Variants in ASAP2 observed in about 807,000 individuals in gnomAD.
ASAP2 encodes ArfGAP with SH3 domain, ankyrin repeat and PH domain 2, also known as arf-GAP with SH3 domain, ANK repeat and PH domain-containing protein 2.
A neutral mutation model predicts 131.4 loss-of-function variants in ASAP2; 45 were observed. That is an observed-to-expected ratio of 0.34 (90% CI 0.27 to 0.44). The LOEUF (loss-of-function observed/expected upper bound fraction) is 0.44, where lower values mean the gene tolerates loss of function less well. Ranked by LOEUF, ASAP2 falls within the 20% of genes least tolerant of loss-of-function variation. The probability of loss-of-function intolerance (pLI) is 1.00; values close to 1 mark genes in which losing one functional copy is unlikely to be tolerated. For synonymous variants in ASAP2, 510 were observed against 503.0 expected (o/e 1.01, Z -0.19); for missense variants, 1,011 against 1,297.0 (o/e 0.78, Z 3.39).
intron 1 of ASAP2, among the ~76,000 whole-genome samples, chr2:9,219,696 A>G (rs971858905): frequency 2.0e-5 from 3 of 152,246 alleles, no homozygotes; most frequent in Non-Finnish European, 4.4e-5. Context: ...AAATTGAGAT[A>G]GAATTCACAT....
intron 1 of ASAP2, among the ~76,000 whole-genome samples, chr2:9,259,163 G>A (rs1665400984): frequency 6.6e-6 from 1 of 152,198 alleles, no homozygotes; most frequent in Non-Finnish European, 1.5e-5. Context: ...CTCTTGTTCT[G>A]TTAGCTGGGG....
chr2:9,219,069 T>A (rs145770828), intron 1 of ASAP2, among the ~76,000 whole-genome samples: 1 of 152,272 alleles, frequency 6.6e-6, no homozygotes, highest in Non-Finnish European at 1.5e-5. Flanking sequence ...CTTTCGTTGG[T>A]CTCTTAATTA....
At chr2:9,265,331 A>G (rs1195998311) in intron 1 of ASAP2, among the ~76,000 whole-genome samples, 4 of 152,234 alleles carry the variant, frequency 2.6e-5, no homozygotes, top group Admixed American at 6.5e-5. Flanking sequence ...TTGGAATTCA[A>G]CGGAATCCCG....
intron 1 of ASAP2, among the ~76,000 whole-genome samples, chr2:9,269,264 G>A (rs367897917): frequency 6.6e-6 from 1 of 151,790 alleles, no homozygotes; most frequent in East Asian, 1.9e-4. Context: ...GGGGGGAGGG[G>A]GCGCGCATAA....
At chr2:9,393,461 G>A (rs368349648) in intron 23 of ASAP2, 21 bp from the exon 24 acceptor site, 48 of 1,588,274 alleles carry the variant, frequency 3.0e-5, no homozygotes, top group African/African-American at 1.9e-4. Context: ...CCCTCTGCAC[G>A]TCTCTCCCTG....
At chr2:9,384,703 TG>T (rs1028423278) in intron 20 of ASAP2, among the ~76,000 whole-genome samples, 9 of 152,174 alleles carry the variant, frequency 5.9e-5, no homozygotes, top group Admixed American at 2.6e-4. Flanking sequence ...GGAGGGGACA[TG>T]GGGGTTCCAT....
chr2:9,377,142 G>T (rs1674467588), intron 18 of ASAP2, 149 bp downstream of exon 18: 3 of 688,170 alleles, frequency 4.4e-6, no homozygotes, highest in Non-Finnish European at 4.8e-6. Flanking sequence ...GGACTGCCAG[G>T]TGTGAGGTAC....
intron 3 of ASAP2, among the ~76,000 whole-genome samples, chr2:9,299,686 G>A (rs751200821): frequency 1.3e-5 from 2 of 152,298 alleles, no homozygotes; most frequent in Non-Finnish European, 2.9e-5. Flanking sequence ...CGTAGGAGAC[G>A]GGTGGAGGCC....
intron 20 of ASAP2, among the ~76,000 whole-genome samples, chr2:9,383,948 G>C (rs1380620079): frequency 2.6e-5 from 4 of 152,070 alleles, no homozygotes; most frequent in African/African-American, 9.7e-5. Flanking sequence ...TCACTCATAG[G>C]TGGGAACTGA....
At chr2:9,242,983 G>T (rs1664085239) in intron 1 of ASAP2, among the ~76,000 whole-genome samples, 1 of 152,150 alleles carries the variant, frequency 6.6e-6, no homozygotes, top group Non-Finnish European at 1.5e-5. Context: ...CTTTATTTTG[G>T]CCTACCCTGC....
intron 2 of ASAP2, among the ~76,000 whole-genome samples, chr2:9,283,974 G>A (rs1667300707): frequency 6.6e-6 from 1 of 152,134 alleles, no homozygotes; most frequent in Non-Finnish European, 1.5e-5. Flanking sequence ...TGAATCTGGG[G>A]GAAGGGACGC....
rs1236504434 is a variant in ASAP2, at chr2:9,268,443, A to G, written c.127-10874A>G. On this transcript the variant is annotated intron_variant, in intron 1 of 27. Transcript: ENST00000281419. The surrounding 1 kb of genome is among the most constrained non-coding windows in gnomAD (Gnocchi z 4.1). ...AGACGTCTATTTGATCTTAATTCTT[A>G]GCGACACCTGCTATTCTTCAGGCCT... Among the ~76,000 whole-genome samples the G allele has an allele frequency of 6.6e-6, 1 of 152,162 alleles. No homozygotes were observed. The highest frequency in any genetic ancestry group is 1.5e-5 in the Non-Finnish European group (1 of 68,030).
At chr2:9,266,957 C>T (rs1665985101) in intron 1 of ASAP2, among the ~76,000 whole-genome samples, 1 of 152,124 alleles carries the variant, frequency 6.6e-6, no homozygotes, top group Admixed American at 6.5e-5. Flanking sequence ...TTCCTGTGGT[C>T]AACCAACATG....
chr2:9,219,637 A>G (rs1000645821), intron 1 of ASAP2, among the ~76,000 whole-genome samples: 1 of 152,208 alleles, frequency 6.6e-6, no homozygotes, highest in African/African-American at 2.4e-5. Context: ...AAACCTTTCT[A>G]TAGCATCCTG....
At chr2:9,212,347 G>A (rs570885202) in intron 1 of ASAP2, among the ~76,000 whole-genome samples, 30 of 152,292 alleles carry the variant, frequency 2.0e-4, no homozygotes, top group African/African-American at 5.5e-4. Flanking sequence ...GTCCCAGGGC[G>A]TGGGGCTGTG....
intron 1 of ASAP2, among the ~76,000 whole-genome samples, chr2:9,214,183 T>C (rs1661813147): frequency 6.6e-6 from 1 of 152,210 alleles, no homozygotes; most frequent in South Asian, 2.1e-4. Flanking sequence ...TTCTGTGTAA[T>C]GTGGCCTCCA....
At chr2:9,366,196 T>C (rs916218930) in intron 15 of ASAP2, among the ~76,000 whole-genome samples, 6 of 152,092 alleles carry the variant, frequency 3.9e-5, no homozygotes, top group African/African-American at 1.4e-4. Context: ...CACGTTTCTC[T>C]AGCATTGGAT....
intron 18 of ASAP2, among the ~76,000 whole-genome samples, chr2:9,377,782 G>A (rs1674519836): frequency 6.6e-6 from 1 of 152,194 alleles, no homozygotes; most frequent in African/African-American, 2.4e-5. Flanking sequence ...TTTCTGAGCA[G>A]AGGAGTGAAG....
intron 6 of ASAP2, among the ~76,000 whole-genome samples, chr2:9,323,721 C>T (rs1670303774): frequency 6.6e-6 from 1 of 152,154 alleles, no homozygotes; most frequent in Non-Finnish European, 1.5e-5. Context: ...TAGACCTCAC[C>T]TGCTCAGGCG....
Sources: allele counts gnomAD v4.1 joint callset (sites outside exome capture counted in the v4.1 genomes callset), GRCh38; gene constraint gnomAD v4.1.1; non-coding constraint Gnocchi (gnomAD v3.1); transcripts MANE v1.5; gene names NCBI Gene and HGNC (gene_info 2026-07-23, HGNC 2026-07-21).